Variants in ACAP2 observed in about 807,000 individuals in gnomAD.
ACAP2 encodes ArfGAP with coiled-coil, ankyrin repeat and PH domains 2, also known as arf-GAP with coiled-coil, ANK repeat and PH domain-containing protein 2.
ACAP2 carries 39 observed loss-of-function variants against 115.8 expected under a neutral mutation model. That is an observed-to-expected ratio of 0.34 (90% confidence interval 0.26 to 0.44). The LOEUF is 0.44. Ranked by LOEUF, ACAP2 falls within the 20% of genes least tolerant of loss-of-function variation. ACAP2 has a pLI of 1.00. For synonymous variants in ACAP2, 289 were observed against 315.8 expected (o/e 0.92, Z 0.90); for missense variants, 662 against 927.6 (o/e 0.71, Z 3.72).
intron 2 of ACAP2, among the ~76,000 whole-genome samples, chr3:195,390,942 C>T (rs1254591115): frequency 6.6e-6 from 1 of 152,100 alleles, no homozygotes; most frequent in East Asian, 1.9e-4. Flanking sequence ...TACTATATAG[C>T]AAACAGTGTT....
chr3:195,423,618 G>T (rs1201656044), intron 1 of ACAP2, among the ~76,000 whole-genome samples: 2 of 92,528 alleles, frequency 2.2e-5, no homozygotes, highest in Admixed American at 1.6e-4. Flanking sequence ...GTAAGACTCC[G>T]TCTCAAAAAA....
chr3:195,365,828 T>C (rs1365168344), intron 4 of ACAP2, among the ~76,000 whole-genome samples: 1 of 150,408 alleles, frequency 6.6e-6, no homozygotes, highest in Non-Finnish European at 1.5e-5. Flanking sequence ...CTCTACTTCA[T>C]CTGCCTATAG....
intron 1 of ACAP2, among the ~76,000 whole-genome samples, 185 bp downstream of exon 1, chr3:195,442,610 C>T (rs1054091576): frequency 3.3e-5 from 5 of 152,202 alleles, no homozygotes; most frequent in African/African-American, 9.6e-5. Context: ...GCCACTTCGT[C>T]GCCCCTCGGG....
chr3:195,367,034 T>A (rs182327947), intron 4 of ACAP2, among the ~76,000 whole-genome samples: 68 of 128,606 alleles, frequency 5.3e-4, no homozygotes, highest in African/African-American at 2.0e-3. Flanking sequence ...TAAAAACTTA[T>A]ATGCCCCCCA....
intron 1 of ACAP2, among the ~76,000 whole-genome samples, chr3:195,424,964 T>TTGCAG (rs1488737093): frequency 2.3e-5 from 3 of 131,518 alleles, no homozygotes; most frequent in Non-Finnish European, 3.1e-5. Context: ...AGTTGATTGC[T>TTGCAG]TGCAGTGAGC....
rs1726140238 is a variant in ACAP2 at position 195,274,895 on chromosome 3, T to G, written c.*4433A>C. On this transcript the variant is annotated 3_prime_UTR_variant, in exon 23 of 23. Transcript: ENST00000326793. ...ACAAACTACTGTAAAACTACATTCATGAATTAGATACAAATCCTCTACATA... is the reference window on the plus strand; with the variant it reads ...ACAAACTACTGTAAAACTACATTCAGGAATTAGATACAAATCCTCTACATA... 1 of 152,636 alleles carries G rather than the reference T, an allele frequency of 6.6e-6. No homozygotes were observed. Among genetic ancestry groups the G allele is most frequent in the Non-Finnish European group, 1.5e-5 (1 of 68,028 alleles). The allele number at this position is 152,636 out of a possible 1,614,324, so 9.5% of individuals were successfully genotyped here.
At chr3:195,434,082 C>A (rs1183393234) in intron 1 of ACAP2, among the ~76,000 whole-genome samples, 1 of 152,064 alleles carries the variant, frequency 6.6e-6, no homozygotes, top group African/African-American at 2.4e-5. Context: ...GCATGTACCA[C>A]CACACACAAC....
rs1259895081 is a variant in ACAP2, at chr3:195,294,607, A to AT, written c.1765+111_1765+112insA. ...AAAAAAAGAAGAAAAAAAAAAAAAA[A>AT]ATTATATATATATATATATATATAA... On this transcript the variant is annotated intron_variant, in intron 18 of 22. Transcript: ENST00000326793. 5.6e-3 allele frequency: 326 copies of AT among 57,914 alleles called. 1 individual carries two copies. The highest frequency in any genetic ancestry group is 0.018 in the African/African-American group (284 of 16,098). 3.6% of individuals were successfully genotyped at this position (57,914 alleles called of 1,614,324 possible).
intron 4 of ACAP2, among the ~76,000 whole-genome samples, chr3:195,356,772 A>G (rs1468559807): frequency 6.6e-6 from 1 of 151,918 alleles, no homozygotes; most frequent in African/African-American, 2.4e-5. Context: ...GTCCAGGAAG[A>G]ATTCACCACT....
chr3:195,415,020 G>A (rs1445232641), intron 1 of ACAP2, among the ~76,000 whole-genome samples: 1 of 152,136 alleles, frequency 6.6e-6, no homozygotes, highest in Non-Finnish European at 1.5e-5. Context: ...TTTTAAGGCA[G>A]CGAAACTAAC....
chr3:195,421,187 A>G (rs888511814), intron 1 of ACAP2, among the ~76,000 whole-genome samples: 6 of 152,152 alleles, frequency 3.9e-5, no homozygotes, highest in Non-Finnish European at 7.3e-5. Context: ...TCACCTAGAC[A>G]GCATTTTGAA....
intron 17 of ACAP2, 107 bp from the exon 18 acceptor site, chr3:195,294,918 G>C: frequency 1.6e-6 from 1 of 612,920 alleles, no homozygotes; most frequent in Non-Finnish European, 2.9e-6. Flanking sequence ...CATGAACTCA[G>C]GCACCACAAG....
At chr3:195,339,838 G>A (rs140684322) in intron 6 of ACAP2, among the ~76,000 whole-genome samples, 91 of 151,866 alleles carry the variant, frequency 6.0e-4, no homozygotes, top group Non-Finnish European at 9.7e-4. Flanking sequence ...ACATTAAGCC[G>A]TTCACTCTCT....
intron 4 of ACAP2, among the ~76,000 whole-genome samples, chr3:195,356,409 C>T (rs1298429416): frequency 6.6e-6 from 1 of 152,188 alleles, no homozygotes; most frequent in Non-Finnish European, 1.5e-5. Flanking sequence ...GGCTAGGTCA[C>T]AAGGACTGTA....
At chr3:195,355,014 C>T (rs1320923108) in intron 4 of ACAP2, among the ~76,000 whole-genome samples, 1 of 152,148 alleles carries the variant, frequency 6.6e-6, no homozygotes, top group Non-Finnish European at 1.5e-5. Flanking sequence ...CAGGCATGTG[C>T]CACCATGCTC....
chr3:195,411,981 A>T (rs1376894816), intron 1 of ACAP2, among the ~76,000 whole-genome samples: 1 of 151,808 alleles, frequency 6.6e-6, no homozygotes, highest in Non-Finnish European at 1.5e-5. Flanking sequence ...ATCATCACTT[A>T]CCACACAGAC....
intron 1 of ACAP2, among the ~76,000 whole-genome samples, chr3:195,431,740 C>A (rs926313540): frequency 6.6e-6 from 1 of 152,002 alleles, no homozygotes; most frequent in Non-Finnish European, 1.5e-5. Context: ...AGGCACCGCA[C>A]CCAGCCTCTA....
chr3:195,280,715 A>G lies in ACAP2; in HGVS notation c.2237-1287T>C, dbSNP rs116101972. ...ACCATTTTTCTTGTCATGAGAAACT[A>G]AATATACACACACATACAGATCAAT... is the stretch of plus-strand genomic sequence containing the variant. On this transcript the variant is annotated intron_variant, in intron 22 of 22. Coordinates refer to ENST00000326793, the MANE Select transcript of ACAP2 (RefSeq NM_012287.6). The G allele has an allele frequency of 1.7e-3, 263 of 152,324 alleles. 1 individual carries two copies. Among genetic ancestry groups the G allele is most frequent in the African/African-American group, 5.0e-3 (206 of 41,572 alleles). The allele number at this position is 152,324 out of a possible 1,614,324, so 9.4% of individuals were successfully genotyped here.
At chr3:195,418,410 AT>A (rs1274979327) in intron 1 of ACAP2, among the ~76,000 whole-genome samples, 1 of 152,214 alleles carries the variant, frequency 6.6e-6, no homozygotes, top group East Asian at 1.9e-4. Flanking sequence ...AGCTCAAAGG[AT>A]TAAAAGGTAG....
Sources: allele counts gnomAD v4.1 joint callset (sites outside exome capture counted in the v4.1 genomes callset), GRCh38; gene constraint gnomAD v4.1.1; transcripts MANE v1.5; gene names NCBI Gene and HGNC (gene_info 2026-07-23, HGNC 2026-07-21).